Variants in STXBP5 observed in about 807,000 individuals in gnomAD.
The protein encoded by STXBP5 is syntaxin-binding protein 5.
A neutral mutation model predicts 152.4 loss-of-function variants in STXBP5; 50 were observed. The observed-to-expected ratio is 0.33, with a 90% CI of 0.26 to 0.42. The LOEUF is 0.42. Ranked by LOEUF, STXBP5 falls within the 10% of genes least tolerant of loss-of-function variation. The probability of loss-of-function intolerance (pLI) is 1.00; values close to 1 mark genes in which losing one functional copy is unlikely to be tolerated. For synonymous variants in STXBP5, 492 were observed against 494.7 expected (o/e 0.99, Z 0.07); for missense variants, 1,167 against 1,388.6 (o/e 0.84, Z 2.54).
chr6:147,346,752 A>G (rs1433648953), intron 21 of STXBP5, among the ~76,000 whole-genome samples: 2 of 152,002 alleles, frequency 1.3e-5, no homozygotes, highest in African/African-American at 4.8e-5. Flanking sequence ...AAAAAATACA[A>G]ACTTTTAGCC....
chr6:147,213,145 A>G (rs1776945967), intron 2 of STXBP5, among the ~76,000 whole-genome samples: 1 of 152,188 alleles, frequency 6.6e-6, no homozygotes, highest in African/African-American at 2.4e-5. Flanking sequence ...ATTGCTGGGC[A>G]TGTACATGTA....
chr6:147,338,895 T>A (rs866790569), intron 19 of STXBP5, among the ~76,000 whole-genome samples: 48 of 151,964 alleles, frequency 3.2e-4, no homozygotes, highest in Middle Eastern at 3.4e-3. Context: ...TAGTTTTTTT[T>A]AATATATTTT....
intron 4 of STXBP5, among the ~76,000 whole-genome samples, chr6:147,239,495 C>A (rs1361273886): frequency 6.6e-6 from 1 of 152,154 alleles, no homozygotes; most frequent in Non-Finnish European, 1.5e-5. Context: ...GAAGGATTTA[C>A]AGTGTATGTA....
In STXBP5 at chr6:147,334,174, A is replaced by G. The variant is rs764272275; in HGVS notation, c.2098A>G (p.Ser700Gly). The change falls in exon 19 of 28, where the codon AGT (serine) becomes GGT (glycine). Residue 700 changes from serine to glycine, a missense_variant. Physicochemically the swap from Ser to Gly is moderately conservative, Grantham distance 56 (BLOSUM62 0). This residue lies in a region of STXBP5 where 833 missense variants were observed against 986.3 expected (regional missense o/e 0.84). Coordinates refer to ENST00000321680, the MANE Select transcript of STXBP5 (RefSeq NM_001127715.4). ...QPSGAGLCDI[S>G]EGTVVPEDRC... is the part of the protein sequence containing the mutation. The stretch of plus-strand genomic sequence containing the variant: ...TTTTGTAGCCGGTCTGTGTGATATT[A>G]GTGAAGGGACTGTTGTTCCAGAGGA... 6.2e-7 allele frequency: 1 copy of G among 1,612,888 alleles called. No individual in the cohort carries two copies. Among genetic ancestry groups the G allele is most frequent in the East Asian group, 2.2e-5 (1 of 44,810 alleles).
intron 21 of STXBP5, among the ~76,000 whole-genome samples, chr6:147,350,886 A>C (rs1784561405): frequency 6.6e-6 from 1 of 152,212 alleles, no homozygotes; most frequent in African/African-American, 2.4e-5. Context: ...ACAAATGATG[A>C]AACTTGAAGT....
intron 4 of STXBP5, among the ~76,000 whole-genome samples, chr6:147,260,329 A>G (rs1425550585): frequency 2.0e-5 from 3 of 152,194 alleles, no homozygotes; most frequent in Admixed American, 2.0e-4. Context: ...AATGTGTGGT[A>G]TGCCCAAGGT....
intron 2 of STXBP5, among the ~76,000 whole-genome samples, chr6:147,218,452 T>C (rs1582798961): frequency 6.6e-6 from 1 of 152,158 alleles, no homozygotes; most frequent in Non-Finnish European, 1.5e-5. Context: ...TCTTTTCTGG[T>C]ATATAAGAAA....
rs537516995 is a variant in STXBP5, at chr6:147,390,016, G to A, written c.*5261G>A. ...TTTTTCTAACATTGTCCACTTCAGG[G>A]GCAAGCATGCTTGGTATAGAGCTCT... On this transcript the variant is annotated 3_prime_UTR_variant, in exon 28 of 28. Transcript: ENST00000321680. The A allele has an allele frequency of 6.6e-6, 1 of 151,898 alleles. No individual in the cohort carries two copies. Among genetic ancestry groups the A allele is most frequent in the East Asian group, 1.9e-4 (1 of 5,154 alleles). 9.4% of individuals were successfully genotyped at this position (151,898 alleles called of 1,614,324 possible). A position where few individuals can be genotyped will look rare whatever the true frequency, so the allele number is the denominator to read the frequency against.
Position 147,278,077 on chromosome 6 carries a change from A to C in STXBP5, c.715-4A>C. 1 of 1,610,402 alleles carries C rather than the reference A, an allele frequency of 6.2e-7. No homozygotes were observed. Among genetic ancestry groups the C allele is most frequent in the Non-Finnish European group, 8.5e-7 (1 of 1,177,562 alleles). On this transcript the variant is annotated splice_polypyrimidine_tract_variant and splice_region_variant and intron_variant, in intron 7 of 27. Coordinates refer to ENST00000321680, the MANE Select transcript of STXBP5 (RefSeq NM_001127715.4). ...TTTAAATGGTATTTTTCATCCTTCT[A>C]TAGGCTATCCACTCTGTTGCTTGGC...
In STXBP5 at chr6:147,260,610, T is replaced by C. The variant is rs1779596203; in HGVS notation, c.432-5T>C. On this transcript the variant is annotated splice_region_variant and splice_polypyrimidine_tract_variant and intron_variant, in intron 4 of 27. Transcript: ENST00000321680. ...TTCTTTTTTGAGTATATTTTTCTCT[T>C]GCAGGGTTACATTTTGCCATCTGCC... is the stretch of plus-strand genomic sequence containing the variant. The C allele has an allele frequency of 6.2e-7, 1 of 1,613,676 alleles. No individual in the cohort carries two copies. The highest frequency in any genetic ancestry group is 1.3e-5 in the African/African-American group (1 of 75,036).
intron 26 of STXBP5, among the ~76,000 whole-genome samples, chr6:147,381,617 G>A (rs1297080489): frequency 2.0e-5 from 3 of 152,074 alleles, no homozygotes; most frequent in Admixed American, 1.3e-4. Flanking sequence ...TAGCCAAAAA[G>A]TGGAAACAAC....
chr6:147,383,179 C>G (rs903809957), intron 27 of STXBP5, among the ~76,000 whole-genome samples, 181 bp downstream of exon 27: 8 of 152,024 alleles, frequency 5.3e-5, no homozygotes, highest in Non-Finnish European at 1.0e-4. Context: ...CTCTAATAGC[C>G]TTTGGTTTCT....
intron 13 of STXBP5, 28 bp downstream of exon 13, chr6:147,314,359 A>G (rs986404630): frequency 6.3e-7 from 1 of 1,575,948 alleles, no homozygotes; most frequent in African/African-American, 1.3e-5. Flanking sequence ...TTCACCAAGT[A>G]AATCTATAAT....
intron 16 of STXBP5, among the ~76,000 whole-genome samples, chr6:147,318,038 A>G (rs141460474): frequency 3.8e-4 from 58 of 152,288 alleles, no homozygotes; most frequent in African/African-American, 1.4e-3. Flanking sequence ...AACATACATT[A>G]TCTTCAACAG....
intron 9 of STXBP5, among the ~76,000 whole-genome samples, chr6:147,304,439 G>T (rs1441853123): frequency 6.6e-6 from 1 of 152,142 alleles, no homozygotes; most frequent in Non-Finnish European, 1.5e-5. Flanking sequence ...GGATGTCCAG[G>T]CAGAAGTTTG....
chr6:147,343,504 G>A (rs1437973321), intron 21 of STXBP5, among the ~76,000 whole-genome samples: 1 of 152,136 alleles, frequency 6.6e-6, no homozygotes, highest in Non-Finnish European at 1.5e-5. Flanking sequence ...TTGAATGTCA[G>A]AGAAGTTAAG....
At chr6:147,246,076 G>C (rs1481215410) in intron 4 of STXBP5, among the ~76,000 whole-genome samples, 1 of 152,158 alleles carries the variant, frequency 6.6e-6, no homozygotes, top group Non-Finnish European at 1.5e-5. Flanking sequence ...GTTAATATGT[G>C]CCATTAGGTT....
intron 2 of STXBP5, among the ~76,000 whole-genome samples, chr6:147,214,489 T>A (rs1777059793): frequency 6.6e-6 from 1 of 152,204 alleles, no homozygotes; most frequent in Non-Finnish European, 1.5e-5. Context: ...TCAATGGCCA[T>A]GTGTTTAGTG....
chr6:147,371,128 C>T (rs1785520840), intron 25 of STXBP5, among the ~76,000 whole-genome samples: 1 of 151,972 alleles, frequency 6.6e-6, no homozygotes, highest in Non-Finnish European at 1.5e-5. Flanking sequence ...GAAATACCAT[C>T]TACTATGAAT....
Sources: gnomAD v4.1 joint callset for allele counts (sites outside exome capture counted in the v4.1 genomes callset) on GRCh38, gnomAD v4.1.1 for gene constraint, gnomAD v4.1.1 regional missense constraint, MANE v1.5 for transcripts, NCBI Gene and HGNC (gene_info 2026-07-23, HGNC 2026-07-21) for gene names.